The following PRKD1 variants were observed in gnomAD, a reference collection of about 807,000 sequenced individuals.
PRKD1 encodes protein kinase D1, also known as serine/threonine-protein kinase D1.
A neutral mutation model predicts 95.9 loss-of-function variants in PRKD1; 63 were observed. The ratio of observed to expected loss-of-function variants is 0.66; its 90% CI spans 0.54 to 0.81. The LOEUF (loss-of-function observed/expected upper bound fraction) is 0.81, where lower values mean the gene tolerates loss of function less well. Among genes scored for constraint, PRKD1 ranks in the 30% least tolerant of loss-of-function variants. The pLI is 0.00. For synonymous variants in PRKD1, 425 were observed against 423.1 expected, an observed-to-expected ratio of 1.00 and a Z score of -0.05; for missense variants, 1,048 against 1,165.3, an observed-to-expected ratio of 0.90 and a Z score of 1.47.
intron 1 of PRKD1, among the ~76,000 whole-genome samples, chr14:29,761,563 A>C (rs1887983856): frequency 6.6e-6 from 1 of 152,142 alleles, no homozygotes; most frequent in Admixed American, 6.5e-5. Context: ...GCACATTTAA[A>C]GTTCTCATGC....
chr14:29,590,561 G>A (rs115494109), intron 16 of PRKD1, among the ~76,000 whole-genome samples: 2,534 of 152,100 alleles, frequency 0.017, 77 homozygotes, highest in African/African-American at 0.058. Flanking sequence ...TAGAAGTTTC[G>A]TTATGCATAT....
chr14:29,844,820 A>G (rs984647017), intron 1 of PRKD1, among the ~76,000 whole-genome samples: 9 of 152,252 alleles, frequency 5.9e-5, no homozygotes, highest in Admixed American at 2.6e-4. Flanking sequence ...CTAGTTACTC[A>G]TTCTGCCACC....
chr14:29,757,892 T>C (rs1242323870), intron 1 of PRKD1, among the ~76,000 whole-genome samples: 1 of 151,798 alleles, frequency 6.6e-6, no homozygotes, highest in African/African-American at 2.4e-5. Context: ...GGGTGTAATG[T>C]GTACCAGGAA....
intron 1 of PRKD1, among the ~76,000 whole-genome samples, chr14:29,751,543 T>C (rs1365924423): frequency 6.6e-6 from 1 of 152,196 alleles, no homozygotes; most frequent in Non-Finnish European, 1.5e-5. Flanking sequence ...CAACTGAAGA[T>C]TGTGGCACTG....
intron 2 of PRKD1, among the ~76,000 whole-genome samples, chr14:29,718,000 G>T (rs778127060): frequency 2.0e-5 from 3 of 152,180 alleles, no homozygotes; most frequent in Non-Finnish European, 4.4e-5. Flanking sequence ...AAGTGAGGAA[G>T]AAGTGCACCA....
At chr14:29,649,849 A>G (rs1033040005) in intron 4 of PRKD1, among the ~76,000 whole-genome samples, 1 of 152,192 alleles carries the variant, frequency 6.6e-6, no homozygotes, top group African/African-American at 2.4e-5. Context: ...GTAACGACAC[A>G]GCACATTCAC....
chr14:29,778,001 C>T (rs1390844910), intron 1 of PRKD1, among the ~76,000 whole-genome samples: 1 of 152,104 alleles, frequency 6.6e-6, no homozygotes, highest in African/African-American at 2.4e-5. Flanking sequence ...CATTCAAAAC[C>T]ACTCAACTAC....
intron 2 of PRKD1, among the ~76,000 whole-genome samples, chr14:29,691,432 A>C (rs1884227022): frequency 6.6e-6 from 1 of 152,240 alleles, no homozygotes; most frequent in Admixed American, 6.5e-5. Context: ...TGAGCAGCCA[A>C]AGTTAAAAAC....
intron 1 of PRKD1, among the ~76,000 whole-genome samples, chr14:29,823,539 A>G (rs957088829): frequency 1.3e-5 from 2 of 152,328 alleles, no homozygotes; most frequent in African/African-American, 2.4e-5. Flanking sequence ...TGACAGAATC[A>G]TTGAATGAAT....
At chr14:29,623,148 G>A (rs924854227) in intron 13 of PRKD1, among the ~76,000 whole-genome samples, 8 of 152,140 alleles carry the variant, frequency 5.3e-5, no homozygotes, top group African/African-American at 1.4e-4. Flanking sequence ...TAAGCAGAGA[G>A]CATTGTGAGT....
chr14:29,911,188 A>T (rs1894700977), intron 1 of PRKD1, among the ~76,000 whole-genome samples: 2 of 152,224 alleles, frequency 1.3e-5, no homozygotes, highest in African/African-American at 4.8e-5. Context: ...ATAAAGGTTT[A>T]TCAAGCAGGT....
At chr14:29,777,498 C>T (rs961568673) in intron 1 of PRKD1, among the ~76,000 whole-genome samples, 21 of 152,136 alleles carry the variant, frequency 1.4e-4, no homozygotes, top group Admixed American at 7.9e-4. Flanking sequence ...GCAATCCTAG[C>T]CTCTGATAAA....
intron 9 of PRKD1, 63 bp downstream of exon 9, chr14:29,632,806 C>A: frequency 7.0e-7 from 1 of 1,427,470 alleles, no homozygotes; most frequent in Admixed American, 1.8e-5. Flanking sequence ...ATTTCTTATA[C>A]TCTACATTCC....
intron 1 of PRKD1, among the ~76,000 whole-genome samples, chr14:29,901,568 TAAA>T (rs753562388): frequency 6.6e-6 from 1 of 152,138 alleles, no homozygotes; most frequent in Non-Finnish European, 1.5e-5. Context: ...GCTGAAATTA[TAAA>T]AAATAAAAAT....
chr14:29,776,347 G>A (rs560344042), intron 1 of PRKD1, among the ~76,000 whole-genome samples: 6 of 152,230 alleles, frequency 3.9e-5, no homozygotes, highest in East Asian at 1.9e-4. Context: ...AAACTTCTCC[G>A]AGCTAAAGGA....
chr14:29,764,662 A>T (rs970012574), intron 1 of PRKD1, among the ~76,000 whole-genome samples: 1 of 152,166 alleles, frequency 6.6e-6, no homozygotes, highest in Non-Finnish European at 1.5e-5. Context: ...CCTTTTATAA[A>T]GGCACATAAT....
chr14:29,761,728 C>T (rs958060931), intron 1 of PRKD1, among the ~76,000 whole-genome samples: 4 of 151,824 alleles, frequency 2.6e-5, no homozygotes, highest in African/African-American at 9.7e-5. Context: ...AAAAGTTCTT[C>T]CTTTTTACCC....
In PRKD1 at chr14:29,707,811, C is replaced by T. The variant is rs527418075; in HGVS notation, c.403+17725G>A. ...ACTCCTGACTCTAGATTGTGTCTGT[C>T]GGCTTCATGAATGTTGATGTTCCAT... On this transcript the variant is annotated intron_variant, in intron 2 of 17. Coordinates refer to ENST00000331968, the MANE Select transcript of PRKD1 (RefSeq NM_002742.3). Among the ~76,000 whole-genome samples, 6 of 152,190 alleles carry T rather than the reference C, an allele frequency of 3.9e-5. No homozygotes were observed. In the South Asian group the frequency reaches 6.2e-4, roughly 16 times the overall value.
intron 2 of PRKD1, among the ~76,000 whole-genome samples, chr14:29,703,501 T>A (rs1884937650): frequency 6.6e-6 from 1 of 152,184 alleles, no homozygotes; most frequent in Non-Finnish European, 1.5e-5. Context: ...AATGAGACAT[T>A]GAACATAACT....
Sources: gnomAD v4.1 joint callset for allele counts (sites outside exome capture counted in the v4.1 genomes callset) on GRCh38, gnomAD v4.1.1 for gene constraint, MANE v1.5 for transcripts, NCBI Gene and HGNC (gene_info 2026-07-23, HGNC 2026-07-21) for gene names.